KIF13B: variants seen among roughly 807,000 people sequenced by gnomAD.
The protein encoded by KIF13B is kinesin-like protein KIF13B.
In KIF13B, 127 loss-of-function variants were observed where a neutral mutation model predicts 222.0. That is an observed-to-expected ratio of 0.57 (90% confidence interval 0.50 to 0.66). KIF13B has a LOEUF of 0.66. KIF13B is among the 30% of genes least tolerant of loss of function. The pLI, the probability that KIF13B is intolerant of heterozygous loss-of-function variation, is 0.00. For missense variants in KIF13B, 2,173 were observed against 2,379.0 expected, an observed-to-expected ratio of 0.91 and a Z score of 1.80; for synonymous variants, 976 against 919.0, an observed-to-expected ratio of 1.06 and a Z score of -1.12.
chr8:29,087,010 C>T (rs570511944), intron 37 of KIF13B, among the ~76,000 whole-genome samples: 9 of 152,352 alleles, frequency 5.9e-5, no homozygotes, highest in South Asian at 2.1e-4. Flanking sequence ...GGATGCCTCA[C>T]GCAGAGCCGT....
At chr8:29,179,993 G>T (rs1812643402) in intron 8 of KIF13B, 111 bp downstream of exon 8, 6 of 1,210,060 alleles carry the variant, frequency 5.0e-6, no homozygotes, top group Non-Finnish European at 7.1e-6. Context: ...AGTCCTCATT[G>T]ATACACAAGT....
In KIF13B at chr8:29,142,296, G is replaced by A. The variant is rs370214797; in HGVS notation, c.2195C>T (p.Ser732Phe). Residue 732 changes from serine to phenylalanine, a missense_variant, in exon 19 of 40, where the codon TCT (serine) becomes TTT (phenylalanine). Physicochemically the swap from Ser to Phe is radical, Grantham distance 155. Around this residue, in one of 2 missense-constraint regions of KIF13B, gnomAD observed 1,480 missense variants for 1,722.8 expected, o/e 0.86. Coordinates refer to ENST00000524189, the MANE Select transcript of KIF13B (RefSeq NM_015254.4). ...SSLDANRKRG[S>F]LLSEPAIQVR... Reference sequence around the variant, plus strand: ...CTGGATTGCAGGCTCACTAAGAAGAGAGCCTCGCTGCAAAGAGAGTAAGAA... The same window carrying A: ...CTGGATTGCAGGCTCACTAAGAAGAAAGCCTCGCTGCAAAGAGAGTAAGAA... The A allele has an allele frequency of 3.1e-5, 50 of 1,611,678 alleles. No homozygotes were observed. The highest frequency in any genetic ancestry group is 4.0e-5 in the African/African-American group (3 of 74,894).
intron 2 of KIF13B, among the ~76,000 whole-genome samples, chr8:29,210,294 T>C (rs551080177): frequency 6.6e-6 from 1 of 152,278 alleles, no homozygotes; most frequent in East Asian, 1.9e-4. Context: ...CCAGATACCA[T>C]TCCAGAGCAC....
At chr8:29,190,922 C>G (rs1367668832) in intron 4 of KIF13B, 75 bp downstream of exon 4, 1 of 1,158,368 alleles carries the variant, frequency 8.6e-7, no homozygotes, top group South Asian at 1.2e-5. Flanking sequence ...GTTTGCCAAG[C>G]AATCGTGTAA....
At chr8:29,239,347 C>T (rs945098804) in intron 2 of KIF13B, among the ~76,000 whole-genome samples, 1 of 152,230 alleles carries the variant, frequency 6.6e-6, no homozygotes, top group Admixed American at 6.5e-5. Context: ...ACAATTTTCA[C>T]TGCACACTTC....
intron 10 of KIF13B, among the ~76,000 whole-genome samples, chr8:29,173,836 C>T (rs56989778): frequency 5.3e-4 from 79 of 150,414 alleles, no homozygotes; most frequent in Non-Finnish European, 8.4e-4. Flanking sequence ...CCCAGCTACT[C>T]GGGAGGCTGA....
At chr8:29,121,744 G>A (rs1388512765) in intron 29 of KIF13B, among the ~76,000 whole-genome samples, 1 of 147,350 alleles carries the variant, frequency 6.8e-6, no homozygotes, top group East Asian at 2.0e-4. Context: ...CACAGCAAAA[G>A]AAACTACCAT....
intron 6 of KIF13B, among the ~76,000 whole-genome samples, chr8:29,183,168 GTTTTT>G (rs58034349): frequency 2.1e-4 from 25 of 117,688 alleles, no homozygotes; most frequent in African/African-American, 5.4e-4. Flanking sequence ...CTTAAAGTTT[GTTTTT>G]TTTTTTTTTT....
At chr8:29,223,319 G>C (rs1398126348) in intron 2 of KIF13B, among the ~76,000 whole-genome samples, 7 of 116,858 alleles carry the variant, frequency 6.0e-5, no homozygotes, top group Non-Finnish European at 1.2e-4. Context: ...CTGAGTGAGA[G>C]AGACCCTGTC....
chr8:29,238,774 G>A (rs1815626146), intron 2 of KIF13B, among the ~76,000 whole-genome samples: 1 of 152,182 alleles, frequency 6.6e-6, no homozygotes, highest in Admixed American at 6.5e-5. Flanking sequence ...AAAAAAATCA[G>A]TGTTCAGGTT....
intron 24 of KIF13B, among the ~76,000 whole-genome samples, chr8:29,127,982 T>C (rs1462133106): frequency 1.3e-5 from 2 of 151,578 alleles, no homozygotes; most frequent in African/African-American, 4.8e-5. Context: ...GAAAAACATA[T>C]GACATGTTAA....
chr8:29,116,304 T>C (rs1261232744), intron 31 of KIF13B, among the ~76,000 whole-genome samples: 1 of 152,076 alleles, frequency 6.6e-6, no homozygotes, highest in Non-Finnish European at 1.5e-5. Flanking sequence ...CCCGTCTCCA[T>C]AAGGAATACA....
chr8:29,124,883 C>CAA (rs35910865), intron 26 of KIF13B, among the ~76,000 whole-genome samples: 3 of 125,758 alleles, frequency 2.4e-5, no homozygotes, highest in African/African-American at 5.8e-5. Flanking sequence ...AACTCCATCC[C>CAA]AAAAAAAAAA....
At chr8:29,225,061 C>T (rs1814958667) in intron 2 of KIF13B, among the ~76,000 whole-genome samples, 1 of 152,192 alleles carries the variant, frequency 6.6e-6, no homozygotes, top group Admixed American at 6.5e-5. Context: ...GTTGTCATTA[C>T]TGTTATTCCT....
At position 29,160,714 on chromosome 8, in the gene KIF13B, G is replaced by C; in HGVS notation, c.1404+19C>G. 6.2e-7 allele frequency: 1 copy of C among 1,603,914 alleles called. No homozygotes were observed. On this transcript the variant is annotated intron_variant, in intron 13 of 39. Coordinates refer to ENST00000524189, the MANE Select transcript of KIF13B (RefSeq NM_015254.4). ...CCTATTTTGTAACAAGAATCTAGTAGCAAAGCACATTACTTCACCTTTAAA... is the reference window on the plus strand; with the variant it reads ...CCTATTTTGTAACAAGAATCTAGTACCAAAGCACATTACTTCACCTTTAAA...
chr8:29,236,356 C>G (rs1452711243), intron 2 of KIF13B, among the ~76,000 whole-genome samples: 1 of 152,166 alleles, frequency 6.6e-6, no homozygotes, highest in Non-Finnish European at 1.5e-5. Flanking sequence ...GTAGCTAGGA[C>G]AGTATCAGCC....
chr8:29,105,751 C>A (rs1016140400), intron 35 of KIF13B, among the ~76,000 whole-genome samples: 1 of 149,606 alleles, frequency 6.7e-6, no homozygotes, highest in African/African-American at 2.5e-5. Context: ...TTCCGCCTCC[C>A]GGGTTCAAGA....
rs1026524648 is a variant in KIF13B, at chr8:29,120,103, T to C, written c.3536-1111A>G. Reference sequence around the variant, plus strand: ...GCAGAACTCCTAGTGGCAGAGTATATGTAAAACGTATCCAGGCCCAAAATA... The same window carrying C: ...GCAGAACTCCTAGTGGCAGAGTATACGTAAAACGTATCCAGGCCCAAAATA... On this transcript the variant is annotated intron_variant, in intron 29 of 39. Coordinates refer to ENST00000524189, the MANE Select transcript of KIF13B (RefSeq NM_015254.4). Among the ~76,000 whole-genome samples, 10 of 152,052 alleles carry C rather than the reference T, an allele frequency of 6.6e-5. 1 individual carries two copies. The highest frequency in any genetic ancestry group is 4.8e-5 in the African/African-American group (2 of 41,402).
chr8:29,116,697 C>T, intron 31 of KIF13B, 134 bp downstream of exon 31: 2 of 722,362 alleles, frequency 2.8e-6, no homozygotes, highest in African/African-American at 1.8e-5. Flanking sequence ...TACAGGACAG[C>T]AGCAGTCACC....
Sources: allele counts gnomAD v4.1 joint callset (sites outside exome capture counted in the v4.1 genomes callset), GRCh38; gene constraint gnomAD v4.1.1; regional missense constraint gnomAD v4.1.1; transcripts MANE v1.5; gene names NCBI Gene and HGNC (gene_info 2026-07-23, HGNC 2026-07-21).